Variants in PHLDB2 observed in about 807,000 individuals in gnomAD.
PHLDB2 encodes the protein pleckstrin homology-like domain family B member 2.
PHLDB2 carries 71 observed loss-of-function variants against 123.6 expected under a neutral mutation model. The ratio of observed to expected loss-of-function variants is 0.57; its 90% CI spans 0.47 to 0.70. The LOEUF (loss-of-function observed/expected upper bound fraction) is 0.70. PHLDB2 is among the 30% of genes least tolerant of loss of function. The pLI is 0.00. For missense variants in PHLDB2, 1,446 were observed against 1,519.5 expected (o/e 0.95, Z 0.80); for synonymous variants, 547 against 541.6 (o/e 1.01, Z -0.14).
intron 2 of PHLDB2, among the ~76,000 whole-genome samples, chr3:111,911,255 G>A (rs1268395042): frequency 6.6e-6 from 1 of 152,204 alleles, no homozygotes; most frequent in East Asian, 1.9e-4. Context: ...AAATATTTAT[G>A]CCAAGGCTAA....
intron 8 of PHLDB2, among the ~76,000 whole-genome samples, chr3:111,944,493 T>C (rs1035399759): frequency 1.3e-5 from 2 of 152,018 alleles, no homozygotes; most frequent in Non-Finnish European, 2.9e-5. Context: ...AGATGAATCA[T>C]AGACAAATGT....
chr3:111,949,067 A>T lies in PHLDB2; in HGVS notation c.2623A>T (p.Ser875Cys). 1 of 1,613,802 alleles carries T rather than the reference A, an allele frequency of 6.2e-7. No individual in the cohort carries two copies. The highest frequency in any genetic ancestry group is 8.5e-7 in the Non-Finnish European group (1 of 1,179,960). The change falls in exon 10 of 18, where the codon AGT becomes TGT. Residue 875 changes from serine to cysteine, a missense_variant. Transcript: ENST00000431670. ...ATAVLASQPQ[S>C]KEHFRSLEER... is the part of the protein sequence containing the mutation. ...AGCTGTGCTGGCGAGCCAGCCACAG[A>T]GTAAAGAGGTGTGTAGGCATGACGT...
At chr3:111,871,013 T>A (rs1314168055) in intron 1 of PHLDB2, among the ~76,000 whole-genome samples, 1 of 152,196 alleles carries the variant, frequency 6.6e-6, no homozygotes, top group East Asian at 1.9e-4. Context: ...ACCCTAATTT[T>A]TTTTTTGAAA....
intron 2 of PHLDB2, among the ~76,000 whole-genome samples, chr3:111,898,182 T>TTGTGTGTGTGTGTGTGTGTGTGTGTG (rs58183787): frequency 7.0e-6 from 1 of 142,550 alleles, no homozygotes; most frequent in Admixed American, 7.0e-5. Flanking sequence ...GTGTGTGTGT[T>TTGTGTGTGTGTGTGTGTGTGTGTGTG]TGTGTGTGTG....
In PHLDB2 at chr3:111,967,788, A is replaced by C; in HGVS notation, c.3279A>C (p.Glu1093Asp). The C allele has an allele frequency of 1.9e-6, 3 of 1,611,900 alleles. No homozygotes were observed. Among genetic ancestry groups the C allele is most frequent in the Non-Finnish European group, 2.5e-6 (3 of 1,179,286 alleles). The change falls in exon 15 of 18, where the codon GAA becomes GAC. Residue 1093 changes from glutamate to aspartate, a missense_variant. This residue lies in a region of PHLDB2 where 594 missense variants were observed against 646.0 expected (regional missense o/e 0.92). Coordinates refer to ENST00000431670, the MANE Select transcript of PHLDB2 (RefSeq NM_001134438.2). ...EETSQRQKLI[E>D]KEVKIRERQR... ...CTAGCCAGAGGCAGAAGTTAATAGA[A>C]AAGGAAGTAAAAATAAGGGAGAGAC... is the stretch of plus-strand genomic sequence containing the variant.
rs2064684390 is a variant in PHLDB2, at chr3:111,859,494, G to C, written c.-97G>C. ...CACCATTGCGGCCCGAGGGGGACCC[G>C]ACGGGGGCCCGACGGTGTGGCGTGG... On this transcript the variant is annotated 5_prime_UTR_variant, in exon 1 of 18. Coordinates refer to ENST00000431670, the MANE Select transcript of PHLDB2 (RefSeq NM_001134438.2). 1.0e-6 allele frequency: 1 copy of C among 985,506 alleles called. No homozygotes were observed. The highest frequency in any genetic ancestry group is 1.2e-6 in the Non-Finnish European group (1 of 830,074). The allele number at this position is 985,506 out of a possible 1,614,324, so 61.0% of individuals were successfully genotyped here. A position where few individuals can be genotyped will look rare whatever the true frequency, so the allele number is the denominator to read the frequency against.
intron 2 of PHLDB2, among the ~76,000 whole-genome samples, chr3:111,894,931 C>CATGT (rs1553746380): frequency 4.0e-5 from 6 of 149,922 alleles, no homozygotes; most frequent in East Asian, 3.9e-4. Flanking sequence ...TGCTGGTTTG[C>CATGT]GTGTGTGTGT....
At chr3:111,854,581 T>G (rs2064401131), upstream of PHLDB2, among the ~76,000 whole-genome samples, 2 of 152,130 alleles carry the variant, frequency 1.3e-5, no homozygotes, top group African/African-American at 4.8e-5. Context: ...ATTCAGGACA[T>G]AAAAAGTTAA....
chr3:111,736,623 C>A (rs2059512174), intron 1 of PHLDB2, among the ~76,000 whole-genome samples: 1 of 152,134 alleles, frequency 6.6e-6, no homozygotes, highest in South Asian at 2.1e-4. Context: ...GGCCTACAAG[C>A]TTTTTATTTA....
intron 1 of PHLDB2, among the ~76,000 whole-genome samples, chr3:111,792,955 G>A (rs1177259749): frequency 6.6e-6 from 1 of 152,160 alleles, no homozygotes; most frequent in African/African-American, 2.4e-5. Context: ...CACCCCTGTG[G>A]CCACCAACAC....
At chr3:111,820,166 G>C (rs987537644) in intron 1 of PHLDB2, among the ~76,000 whole-genome samples, 1 of 152,152 alleles carries the variant, frequency 6.6e-6, no homozygotes, top group African/African-American at 2.4e-5. Flanking sequence ...AGGGGACTTG[G>C]TGGTCAGCTA....
intron 1 of PHLDB2, among the ~76,000 whole-genome samples, chr3:111,748,867 T>C (rs2059724713): frequency 6.6e-6 from 1 of 152,126 alleles, no homozygotes; most frequent in South Asian, 2.1e-4. Context: ...CAAGTCGGGA[T>C]ACTTATGCTA....
chr3:111,834,841 T>C (rs1015922215), intron 1 of PHLDB2, among the ~76,000 whole-genome samples: 1 of 152,146 alleles, frequency 6.6e-6, no homozygotes, highest in Non-Finnish European at 1.5e-5. Context: ...CCCTTGGCTA[T>C]ATTTTTAAGT....
intron 1 of PHLDB2, among the ~76,000 whole-genome samples, chr3:111,757,727 T>A (rs2059919822): frequency 6.6e-6 from 1 of 152,194 alleles, no homozygotes; most frequent in South Asian, 2.1e-4. Flanking sequence ...GTCTTCGATG[T>A]TGGTGATGTA....
chr3:111,801,819 T>C (rs2061388473), intron 1 of PHLDB2, among the ~76,000 whole-genome samples: 1 of 152,104 alleles, frequency 6.6e-6, no homozygotes, highest in African/African-American at 2.4e-5. Flanking sequence ...CATACATTAG[T>C]GGTTGCTGGG....
intron 1 of PHLDB2, among the ~76,000 whole-genome samples, chr3:111,794,960 G>T (rs1336146979): frequency 2.0e-5 from 3 of 152,148 alleles, no homozygotes; most frequent in Non-Finnish European, 4.4e-5. Flanking sequence ...ATGCTCTCCA[G>T]CTGTTTTTAT....
At position 111,884,930 on chromosome 3, in the gene PHLDB2, A is replaced by G. The variant is rs1207626447; in HGVS notation, c.853A>G (p.Lys285Glu). The G allele has an allele frequency of 4.3e-6, 7 of 1,614,088 alleles. No homozygotes were observed. ...CTCTCTGGGCAATTCCAAACGAACA[A>G]AACTTGGGGAAAAGGATCTACCTCA... ...RNSLGNSKRT[K>E]LGEKDLPHSV... Residue 285 changes from lysine (K) to glutamate (E), a missense_variant, in exon 2 of 18, where the codon AAA becomes GAA. Around this residue, in one of 3 missense-constraint regions of PHLDB2, gnomAD observed 832 missense variants for 831.9 expected, o/e 1.00. Transcript: ENST00000431670.
At chr3:111,879,584 C>A (rs550889794) in intron 1 of PHLDB2, among the ~76,000 whole-genome samples, 34 of 152,238 alleles carry the variant, frequency 2.2e-4, no homozygotes, top group African/African-American at 8.2e-4. Context: ...GAGGCAGGCA[C>A]ACTCGTGTAA....
At chr3:111,954,080 T>C (rs2070879107) in intron 12 of PHLDB2, 51 bp downstream of exon 12, 1 of 1,525,566 alleles carries the variant, frequency 6.6e-7, no homozygotes, top group Non-Finnish European at 9.0e-7. Flanking sequence ...GCATTAGAAT[T>C]CTTCAGGGGG....
Sources: allele counts gnomAD v4.1 joint callset (sites outside exome capture counted in the v4.1 genomes callset), GRCh38; gene constraint gnomAD v4.1.1; regional missense constraint gnomAD v4.1.1; transcripts MANE v1.5; gene names NCBI Gene and HGNC (gene_info 2026-07-23, HGNC 2026-07-21).